CSMD2: variants seen among roughly 807,000 people sequenced by gnomAD.
CSMD2 encodes CUB and Sushi multiple domains 2, also known as CUB and sushi domain-containing protein 2.
CSMD2 carries 130 observed loss-of-function variants against 398.5 expected under a neutral mutation model. That is an observed-to-expected ratio of 0.33 (90% confidence interval 0.28 to 0.38). The LOEUF (loss-of-function observed/expected upper bound fraction) is 0.38, where lower values mean the gene tolerates loss of function less well. CSMD2 is among the 10% of genes least tolerant of loss of function. The probability of loss-of-function intolerance (pLI) is 1.00; values close to 1 mark genes in which losing one functional copy is unlikely to be tolerated. For synonymous variants in CSMD2, 1,828 were observed against 1,908.5 expected (o/e 0.96, Z 1.10); for missense variants, 3,829 against 4,764.9 (o/e 0.80, Z 5.78).
chr1:33,749,659 TAGAAA>T (rs1456445675), intron 13 of CSMD2, among the ~76,000 whole-genome samples: 4 of 151,870 alleles, frequency 2.6e-5, no homozygotes, highest in African/African-American at 9.7e-5. Flanking sequence ...TAAGTAGAAA[TAGAAA>T]AGATAAATAT....
At chr1:33,898,074 G>A (rs1642509706) in intron 5 of CSMD2, among the ~76,000 whole-genome samples, 1 of 152,190 alleles carries the variant, frequency 6.6e-6, no homozygotes, top group Admixed American at 6.5e-5. Context: ...GGTTCAGAGA[G>A]GTGAAGGGAC....
chr1:33,913,282 A>T (rs1191135913), intron 5 of CSMD2, among the ~76,000 whole-genome samples: 1 of 150,808 alleles, frequency 6.6e-6, no homozygotes, highest in African/African-American at 2.4e-5. Flanking sequence ...TCACCCAGAG[A>T]CTCTCCCCAC....
chr1:34,043,623 A>G (rs1254620238), intron 2 of CSMD2, among the ~76,000 whole-genome samples: 1 of 152,228 alleles, frequency 6.6e-6, no homozygotes, highest in Non-Finnish European at 1.5e-5. Context: ...CGGTTTCACT[A>G]TGAGAAAGCA....
chr1:33,666,004 C>T (rs962488710), intron 25 of CSMD2, among the ~76,000 whole-genome samples: 10 of 152,216 alleles, frequency 6.6e-5, no homozygotes, highest in South Asian at 4.1e-4. Context: ...GATGATGACA[C>T]GCTCATAGCT....
At chr1:33,558,483 A>AT (rs1658249061) in intron 54 of CSMD2, among the ~76,000 whole-genome samples, 1 of 152,262 alleles carries the variant, frequency 6.6e-6, no homozygotes, top group Non-Finnish European at 1.5e-5. Context: ...TTTTAGAATA[A>AT]TGACAACATT....
chr1:33,932,412 GAGA>G (rs1457759595), intron 4 of CSMD2, among the ~76,000 whole-genome samples: 2 of 152,152 alleles, frequency 1.3e-5, no homozygotes, highest in East Asian at 3.9e-4. Flanking sequence ...GTCAGTGAAG[GAGA>G]AGGAGGGAAA....
chr1:34,127,864 G>A lies in CSMD2; in HGVS notation c.187+37047C>T, dbSNP rs1263316733. 5.9e-5 allele frequency among the ~76,000 whole-genome samples: 9 copies of A among 151,988 alleles called. No homozygotes were observed. The East Asian group carries it at 9.7e-4, about 16-fold the overall frequency. On this transcript the variant is annotated intron_variant, in intron 1 of 70. Transcript: ENST00000373381. ...AAGGGATGCACAGTGGAGACTGGCC[G>A]GCCTTGGTAACCAAGGAAAGGGGCT...
intron 53 of CSMD2, among the ~76,000 whole-genome samples, chr1:33,563,028 T>C (rs919929079): frequency 6.6e-6 from 1 of 152,244 alleles, no homozygotes; most frequent in Non-Finnish European, 1.5e-5. Context: ...CAGGCTGCCA[T>C]GGGCAGAAGA....
intron 28 of CSMD2, among the ~76,000 whole-genome samples, chr1:33,647,756 A>G (rs1462456671): frequency 2.6e-5 from 4 of 152,224 alleles, no homozygotes; most frequent in Admixed American, 2.6e-4. Flanking sequence ...GATGCTTTAC[A>G]AAAAGTTTAT....
At chr1:33,974,592 C>T (rs1442550643) in intron 3 of CSMD2, among the ~76,000 whole-genome samples, 2 of 152,168 alleles carry the variant, frequency 1.3e-5, no homozygotes, top group African/African-American at 4.8e-5. Flanking sequence ...TGCTTGATGT[C>T]CCAGGGCTAG....
intron 13 of CSMD2, among the ~76,000 whole-genome samples, chr1:33,759,477 C>T (rs1012289554): frequency 2.0e-5 from 3 of 151,788 alleles, no homozygotes; most frequent in Admixed American, 2.0e-4. Flanking sequence ...AGGCGCCCGC[C>T]ACCATGCCCG....
At chr1:34,098,019 TC>T (rs1659540976) in intron 1 of CSMD2, among the ~76,000 whole-genome samples, 1 of 96,534 alleles carries the variant, frequency 1.0e-5, no homozygotes, top group Non-Finnish European at 2.0e-5. Context: ...AACCCAAATG[TC>T]CAACAATGAT....
chr1:33,948,612 C>T (rs905942346), intron 3 of CSMD2, among the ~76,000 whole-genome samples: 1 of 152,196 alleles, frequency 6.6e-6, no homozygotes, highest in Non-Finnish European at 1.5e-5. Context: ...TGTTTATGTA[C>T]AAGCCACGTC....
At chr1:33,690,634 G>A (rs983407411) in intron 25 of CSMD2, among the ~76,000 whole-genome samples, 2 of 152,196 alleles carry the variant, frequency 1.3e-5, no homozygotes, top group Non-Finnish European at 1.5e-5. Flanking sequence ...TTGCACATGT[G>A]TATACTAAAG....
intron 12 of CSMD2, among the ~76,000 whole-genome samples, chr1:33,785,579 C>T (rs1190638077): frequency 6.6e-6 from 1 of 152,130 alleles, no homozygotes; most frequent in Non-Finnish European, 1.5e-5. Flanking sequence ...GTCTTTCAAG[C>T]CAGTGGTTAG....
intron 1 of CSMD2, among the ~76,000 whole-genome samples, chr1:34,104,750 C>T (rs552872122): frequency 9.2e-5 from 14 of 152,288 alleles, no homozygotes; most frequent in South Asian, 2.1e-4. Context: ...GCACCTTGTC[C>T]GCTGATGAGA....
chr1:33,946,620 C>CTTT lies in CSMD2; in HGVS notation c.518-10669_518-10667dup, dbSNP rs756819198. Among the ~76,000 whole-genome samples, 374 of 145,024 alleles carry CTTT rather than the reference C, an allele frequency of 2.6e-3. 2 individuals are homozygous for CTTT. The highest frequency in any genetic ancestry group is 3.9e-3 in the Non-Finnish European group (259 of 65,906). ...TACCTTCTTTCTTTTCATCTGACAA[C>CTTT]TTTTTTTTTTTTTTTTGAGACGGAG... is the stretch of plus-strand genomic sequence containing the variant. On this transcript the variant is annotated intron_variant, in intron 3 of 70. Transcript: ENST00000373381.
chr1:34,071,410 A>G (rs1345440325), intron 2 of CSMD2, among the ~76,000 whole-genome samples: 1 of 152,254 alleles, frequency 6.6e-6, no homozygotes, highest in East Asian at 1.9e-4. Context: ...CTAAGTTTAC[A>G]TAAAAGTTTA....
At chr1:33,988,986 G>T (rs1646453038) in intron 3 of CSMD2, among the ~76,000 whole-genome samples, 1 of 91,890 alleles carries the variant, frequency 1.1e-5, no homozygotes, top group Non-Finnish European at 2.3e-5. Context: ...CATGGCTTTG[G>T]GACAGGTAAA....
Sources: gnomAD v4.1 joint callset for allele counts (sites outside exome capture counted in the v4.1 genomes callset) on GRCh38, gnomAD v4.1.1 for gene constraint, MANE v1.5 for transcripts, NCBI Gene and HGNC (gene_info 2026-07-23, HGNC 2026-07-21) for gene names.